The following GARNL3 variants were observed in gnomAD, a reference collection of about 807,000 sequenced individuals.
The protein encoded by GARNL3 is GTPase-activating Rap/Ran-GAP domain-like protein 3.
In GARNL3, 63 loss-of-function variants were observed where a neutral mutation model predicts 125.0. The ratio of observed to expected loss-of-function variants is 0.50; its 90% CI spans 0.41 to 0.62. GARNL3 has a LOEUF of 0.62. Ranked by LOEUF, GARNL3 falls within the 20% of genes least tolerant of loss-of-function variation. GARNL3 has a pLI of 0.00. For synonymous variants in GARNL3, 439 were observed against 457.5 expected (o/e 0.96, Z 0.52); for missense variants, 994 against 1,244.0 (o/e 0.80, Z 3.02).
At chr9:127,311,811 C>A in intron 3 of GARNL3, 76 bp downstream of exon 3, 2 of 994,910 alleles carry the variant, frequency 2.0e-6, no homozygotes, top group Non-Finnish European at 3.2e-6. Context: ...CTTCTGGTAT[C>A]CTATATGAGT....
At chr9:127,231,379 T>C (rs2063017164) in intron 1 of GARNL3, among the ~76,000 whole-genome samples, 1 of 151,802 alleles carries the variant, frequency 6.6e-6, no homozygotes, top group Non-Finnish European at 1.5e-5. Context: ...GCCAGGCAAA[T>C]GATATTTTAA....
chr9:127,289,930 C>T (rs746517709), intron 1 of GARNL3, among the ~76,000 whole-genome samples: 4 of 152,138 alleles, frequency 2.6e-5, no homozygotes, highest in Non-Finnish European at 5.9e-5. Context: ...AACCTAATCA[C>T]GGACATTCTC....
chr9:127,372,046 C>T (rs1403961981), intron 22 of GARNL3, among the ~76,000 whole-genome samples: 4 of 152,334 alleles, frequency 2.6e-5, no homozygotes, highest in East Asian at 1.9e-4. Flanking sequence ...GATTCTCCTG[C>T]GTCAGCCTCC....
At chr9:127,347,539 T>A (rs912259170) in intron 16 of GARNL3, among the ~76,000 whole-genome samples, 2 of 152,156 alleles carry the variant, frequency 1.3e-5, no homozygotes, top group African/African-American at 4.8e-5. Flanking sequence ...TTGAATCTTA[T>A]GGGGGAAGAA....
chr9:127,243,217 G>A (rs764382054), exon 2 of GARNL3: 17 of 1,366,604 alleles, frequency 1.2e-5, no homozygotes, highest in Admixed American at 9.5e-5. Context: ...CATGGCCAAC[G>A]AAAGACCCTG....
At position 127,393,186 on chromosome 9, in the gene GARNL3, C is replaced by G; in HGVS notation, c.2974C>G (p.Pro992Ala). ...CCCTGTGGCAGACAGAGAGGGCAGC[C>G]CGGTCTCCGGCAGCAGCCCCTTCCA... Reference protein sequence around the residue: ...QDPVADREGSPVSGSSPFQLT... With the variant: ...QDPVADREGSAVSGSSPFQLT... Residue 992 changes from proline (P) to alanine (A), a missense_variant, in exon 28 of 28, where the codon CCG becomes GCG. This residue lies in a region of GARNL3 where 728 missense variants were observed against 865.7 expected (regional missense o/e 0.84). Transcript: ENST00000373387. 1.2e-6 allele frequency: 2 copies of G among 1,613,816 alleles called. No homozygotes were observed. The highest frequency in any genetic ancestry group is 2.2e-5 in the South Asian group (2 of 91,078).
rs1448902893 is a variant in GARNL3, at chr9:127,393,290, TA to T, written c.*37del. 2 of 1,565,104 alleles carry T rather than the reference TA, an allele frequency of 1.3e-6. No individual in the cohort carries two copies. Among genetic ancestry groups the T allele is most frequent in the Non-Finnish European group, 1.8e-6 (2 of 1,139,250 alleles). On this transcript the variant is annotated 3_prime_UTR_variant, in exon 28 of 28. Coordinates refer to ENST00000373387, the MANE Select transcript of GARNL3 (RefSeq NM_032293.5). ...TCTCATTTGCCATCTTTAGTTTTCT[TA>T]TGGAGGTTTATACTCTTTAAACAGT...
chr9:127,227,108 A>C (rs1006841102), intron 1 of GARNL3, among the ~76,000 whole-genome samples: 10 of 152,194 alleles, frequency 6.6e-5, no homozygotes, highest in African/African-American at 2.4e-4. Flanking sequence ...AAAGTCTACC[A>C]TATTGGGCAG....
intron 20 of GARNL3, among the ~76,000 whole-genome samples, chr9:127,355,968 G>T (rs778997693): frequency 1.3e-5 from 2 of 152,152 alleles, no homozygotes; most frequent in Non-Finnish European, 2.9e-5. Context: ...GGATATTCCA[G>T]GCAGAGGGAG....
chr9:127,354,698 C>G (rs1006677084), intron 19 of GARNL3, among the ~76,000 whole-genome samples: 3 of 152,202 alleles, frequency 2.0e-5, no homozygotes, highest in African/African-American at 7.2e-5. Context: ...TCCCAGAGCT[C>G]TAATTACTTT....
intron 22 of GARNL3, among the ~76,000 whole-genome samples, chr9:127,379,896 C>T (rs1227849490): frequency 6.6e-6 from 1 of 152,122 alleles, no homozygotes; most frequent in Non-Finnish European, 1.5e-5. Flanking sequence ...GCTATCAGTA[C>T]TGGCCGGGTG....
At chr9:127,321,749 G>T (rs552970363) in intron 6 of GARNL3, among the ~76,000 whole-genome samples, 60 of 152,188 alleles carry the variant, frequency 3.9e-4, no homozygotes, top group Non-Finnish European at 5.3e-4. Flanking sequence ...AGTTGGGTAC[G>T]CCAGGGATGG....
intron 2 of GARNL3, among the ~76,000 whole-genome samples, chr9:127,292,446 G>A (rs2064451130): frequency 1.3e-5 from 2 of 152,196 alleles, no homozygotes; most frequent in Non-Finnish European, 2.9e-5. Flanking sequence ...AGGCACAGAG[G>A]CATTGAGTTA....
chr9:127,378,084 AC>A, intron 22 of GARNL3, among the ~76,000 whole-genome samples: 1 of 151,808 alleles, frequency 6.6e-6, no homozygotes, highest in East Asian at 1.9e-4. Flanking sequence ...TACTAAAAAT[AC>A]AAAAAATTAG....
At chr9:127,259,028 G>C (rs1588699740), upstream of GARNL3, among the ~76,000 whole-genome samples, 1 of 152,290 alleles carries the variant, frequency 6.6e-6, no homozygotes, top group African/African-American at 2.4e-5. Context: ...CCTAGCCACT[G>C]CTGAGTCCTG....
intron 2 of GARNL3, among the ~76,000 whole-genome samples, chr9:127,298,001 G>A (rs1270019101): frequency 6.6e-6 from 1 of 152,172 alleles, no homozygotes; most frequent in Non-Finnish European, 1.5e-5. Context: ...GCATGGGTGT[G>A]TATTGTTTTT....
intron 22 of GARNL3, among the ~76,000 whole-genome samples, chr9:127,380,049 G>A (rs1832158037): frequency 6.6e-6 from 1 of 152,086 alleles, no homozygotes; most frequent in South Asian, 2.1e-4. Context: ...GCGTGGTGGG[G>A]CACGCCTTAG....
intron 7 of GARNL3, among the ~76,000 whole-genome samples, chr9:127,327,801 A>G (rs1464502605): frequency 6.6e-6 from 1 of 152,208 alleles, no homozygotes; most frequent in Non-Finnish European, 1.5e-5. Flanking sequence ...AAAAAATCAC[A>G]TTTCTGGTAA....
In GARNL3 at chr9:127,385,195, C is replaced by T; in HGVS notation, c.2388+50C>T. ...CTGAGTGGTTTGGGGGACCCCGGCA[C>T]TGTGGGATTTCAGGTGAGCACAGAA... On this transcript the variant is annotated intron_variant, in intron 24 of 27. Coordinates refer to ENST00000373387, the MANE Select transcript of GARNL3 (RefSeq NM_032293.5). The surrounding 1 kb of genome is among the most constrained non-coding windows in gnomAD (Gnocchi z 4.1). The T allele has an allele frequency of 8.4e-7, 1 of 1,191,434 alleles. No individual in the cohort carries two copies. Among genetic ancestry groups the T allele is most frequent in the Admixed American group, 2.2e-5 (1 of 46,472 alleles). The allele number at this position is 1,191,434 out of a possible 1,614,324, so 73.8% of individuals were successfully genotyped here.
Sources: allele counts gnomAD v4.1 joint callset (sites outside exome capture counted in the v4.1 genomes callset), GRCh38; gene constraint gnomAD v4.1.1; regional missense constraint gnomAD v4.1.1; non-coding constraint Gnocchi (gnomAD v3.1); transcripts MANE v1.5; gene names NCBI Gene and HGNC (gene_info 2026-07-23, HGNC 2026-07-21).